Variants in INPP5A observed in about 807,000 individuals in gnomAD.
INPP5A encodes the protein 43 kDa inositol polyphosphate 5-phophatase.
A neutral mutation model predicts 65.2 loss-of-function variants in INPP5A; 14 were observed. That is an observed-to-expected ratio of 0.21 (90% confidence interval 0.14 to 0.34). The LOEUF is 0.34. INPP5A is among the 10% of genes least tolerant of loss of function. The pLI, the probability that INPP5A is intolerant of heterozygous loss-of-function variation, is 1.00. For synonymous variants in INPP5A, 207 were observed against 208.3 expected, an observed-to-expected ratio of 0.99 and a Z score of 0.05; for missense variants, 431 against 545.6, an observed-to-expected ratio of 0.79 and a Z score of 2.09.
chr10:132,717,404 T>G (rs1393489935), intron 8 of INPP5A, among the ~76,000 whole-genome samples: 6 of 151,408 alleles, frequency 4.0e-5, no homozygotes, highest in Non-Finnish European at 8.8e-5. Context: ...TTGCTGTGAC[T>G]CCACCCAGTG....
intron 1 of INPP5A, among the ~76,000 whole-genome samples, chr10:132,599,251 C>T (rs985549396): frequency 2.0e-5 from 3 of 152,220 alleles, no homozygotes; most frequent in Non-Finnish European, 4.4e-5. Context: ...CTAGTTACTT[C>T]CTGGATACAA....
chr10:132,696,672 A>G (rs1845349099), intron 5 of INPP5A, among the ~76,000 whole-genome samples: 1 of 152,194 alleles, frequency 6.6e-6, no homozygotes, highest in South Asian at 2.1e-4. Flanking sequence ...AGTTTAGGGA[A>G]TGGCCTCTAT....
chr10:132,718,223 G>A (rs1191945626), intron 8 of INPP5A, among the ~76,000 whole-genome samples: 1 of 139,720 alleles, frequency 7.2e-6, no homozygotes, highest in East Asian at 2.2e-4. Context: ...GTGGTACCTG[G>A]GTTCTGTCTG....
At chr10:132,585,144 A>G (rs1329791968) in intron 1 of INPP5A, among the ~76,000 whole-genome samples, 2 of 152,238 alleles carry the variant, frequency 1.3e-5, no homozygotes, top group African/African-American at 4.8e-5. Flanking sequence ...AAATTCATTG[A>G]CTACATATAC....
At chr10:132,726,765 C>T (rs2134581779) in intron 8 of INPP5A, 56 bp from the exon 9 acceptor site, 3 of 1,251,180 alleles carry the variant, frequency 2.4e-6, no homozygotes, top group South Asian at 1.3e-5. Flanking sequence ...CGGGGCCGGG[C>T]ATGAGGGCTG....
At chr10:132,761,528 G>A (rs900358099) in intron 11 of INPP5A, among the ~76,000 whole-genome samples, 1 of 152,032 alleles carries the variant, frequency 6.6e-6, no homozygotes, top group Middle Eastern at 3.4e-3. Flanking sequence ...GGAGCCTGGG[G>A]GTGCCACGAG....
At chr10:132,639,245 A>G (rs1461526604) in intron 2 of INPP5A, among the ~76,000 whole-genome samples, 4 of 151,874 alleles carry the variant, frequency 2.6e-5, no homozygotes, top group African/African-American at 7.3e-5. Context: ...TTTTGTGTGA[A>G]AATGTTTCCC....
intron 4 of INPP5A, among the ~76,000 whole-genome samples, chr10:132,686,234 T>G (rs117585855): frequency 0.048 from 7,292 of 152,330 alleles, 271 homozygotes; most frequent in Middle Eastern, 0.075. Context: ...GCTTCCCGGC[T>G]GTGCCGTGGC....
At position 132,782,778 on chromosome 10, in the gene INPP5A, C is replaced by G. The variant is rs1165797410; in HGVS notation, c.*749C>G. The stretch of plus-strand genomic sequence containing the variant: ...CAAATTCGTAAAAAACACACATGGC[C>G]TCGCCATCGTGGGTAAAATCGGCCC... On this transcript the variant is annotated 3_prime_UTR_variant, in exon 16 of 16. Coordinates refer to ENST00000368594, the MANE Select transcript of INPP5A (RefSeq NM_005539.5). This position sits in a 1 kb window ranked among gnomAD's most constrained non-coding sequence, Gnocchi z 4.4. 1 of 152,320 alleles carries G rather than the reference C, an allele frequency of 6.6e-6. No homozygotes were observed. Among genetic ancestry groups the G allele is most frequent in the Non-Finnish European group, 1.5e-5 (1 of 68,022 alleles). The allele number at this position is 152,320 out of a possible 1,614,324, so 9.4% of individuals were successfully genotyped here.
rs1847179799 is a variant in INPP5A at position 132,782,342 on chromosome 10, T to G, written c.*313T>G. 1 of 333,642 alleles carries G rather than the reference T, an allele frequency of 3.0e-6. No homozygotes were observed. The highest frequency in any genetic ancestry group is 2.4e-5 in the South Asian group (1 of 41,500). 20.7% of individuals were successfully genotyped at this position (333,642 alleles called of 1,614,324 possible). ...GTCTGTACCGTAGACTTCACAGTTT[T>G]CAGTTTTTAATGATTGCCAGTGGAG... On this transcript the variant is annotated 3_prime_UTR_variant, in exon 16 of 16. Coordinates refer to ENST00000368594, the MANE Select transcript of INPP5A (RefSeq NM_005539.5). This position sits in a 1 kb window ranked among gnomAD's most constrained non-coding sequence, Gnocchi z 4.4.
At chr10:132,767,009 C>G (rs1169864230) in intron 12 of INPP5A, among the ~76,000 whole-genome samples, 1 of 86,858 alleles carries the variant, frequency 1.2e-5, no homozygotes, top group African/African-American at 4.7e-5. Context: ...GATGCGGCCT[C>G]GGAGCTTGGG....
intron 9 of INPP5A, among the ~76,000 whole-genome samples, chr10:132,728,893 C>T (rs112437226): frequency 2.0e-5 from 3 of 152,116 alleles, no homozygotes; most frequent in Non-Finnish European, 4.4e-5. Flanking sequence ...CACAAGGCGT[C>T]GGGGGCAGTG....
chr10:132,652,730 G>T (rs549057534), intron 4 of INPP5A, among the ~76,000 whole-genome samples: 1 of 152,326 alleles, frequency 6.6e-6, no homozygotes, highest in Non-Finnish European at 1.5e-5. Flanking sequence ...GACGGAGGAG[G>T]ATGTACCTTG....
intron 8 of INPP5A, among the ~76,000 whole-genome samples, chr10:132,722,728 G>A (rs1464363911): frequency 6.6e-6 from 1 of 152,176 alleles, no homozygotes; most frequent in African/African-American, 2.4e-5. Context: ...CAGTGCCTCC[G>A]CCGCGTAATG....
intron 1 of INPP5A, among the ~76,000 whole-genome samples, chr10:132,577,409 C>T (rs559184828): frequency 6.6e-6 from 1 of 152,202 alleles, no homozygotes; most frequent in East Asian, 1.9e-4. Flanking sequence ...AGGTGGCATT[C>T]CTGTATCTGT....
At chr10:132,775,873 A>C (rs116880007) in intron 12 of INPP5A, among the ~76,000 whole-genome samples, 4,882 of 152,158 alleles carry the variant, frequency 0.032, 116 homozygotes, top group Non-Finnish European at 0.049. Flanking sequence ...CGGGCTCTCC[A>C]AGCTCCATGG....
At chr10:132,688,684 C>G (rs1230275040) in intron 4 of INPP5A, among the ~76,000 whole-genome samples, 1 of 150,154 alleles carries the variant, frequency 6.7e-6, no homozygotes, top group Non-Finnish European at 1.5e-5. Context: ...TGTGCGTGTG[C>G]ATGAGTGCAT....
intron 4 of INPP5A, among the ~76,000 whole-genome samples, chr10:132,653,033 G>C (rs1010691996): frequency 3.9e-5 from 6 of 152,120 alleles, no homozygotes; most frequent in African/African-American, 1.2e-4. Context: ...CGCACCCTTG[G>C]CATCTGAGGC....
chr10:132,570,514 G>T (rs1328425636), intron 1 of INPP5A, among the ~76,000 whole-genome samples: 3 of 152,140 alleles, frequency 2.0e-5, no homozygotes, highest in Non-Finnish European at 4.4e-5. Context: ...GCTGTCACTG[G>T]GTCCTTGAAC....
Sources: allele counts gnomAD v4.1 joint callset (sites outside exome capture counted in the v4.1 genomes callset), GRCh38; gene constraint gnomAD v4.1.1; non-coding constraint Gnocchi (gnomAD v3.1); transcripts MANE v1.5; gene names NCBI Gene and HGNC (gene_info 2026-07-23, HGNC 2026-07-21).